The following SHB variants were observed in gnomAD, a reference collection of about 807,000 sequenced individuals.
The protein encoded by SHB is SH2 domain containing adaptor protein B, also known as SH2 domain-containing adapter protein B.
A neutral mutation model predicts 52.3 loss-of-function variants in SHB; 20 were observed. That is an observed-to-expected ratio of 0.38 (90% CI 0.27 to 0.56). The LOEUF is 0.56. Ranked by LOEUF, SHB falls within the 20% of genes least tolerant of loss-of-function variation. The pLI is 0.71. For synonymous variants in SHB, 397 were observed against 316.5 expected, an observed-to-expected ratio of 1.25 and a Z score of -2.70; for missense variants, 825 against 723.3, an observed-to-expected ratio of 1.14 and a Z score of -1.61.
chr9:37,962,352 T>C (rs1832701037), intron 3 of SHB, among the ~76,000 whole-genome samples: 1 of 152,188 alleles, frequency 6.6e-6, no homozygotes. Context: ...AAACAGTGTC[T>C]GATGTACAGT....
chr9:37,920,839 A>ACC (rs1202113039), intron 5 of SHB, among the ~76,000 whole-genome samples: 1 of 152,160 alleles, frequency 6.6e-6, no homozygotes, highest in Admixed American at 6.5e-5. Context: ...GTCTATGTCC[A>ACC]CCATGCTTGG....
chr9:37,959,911 C>G (rs1189892243), intron 3 of SHB, among the ~76,000 whole-genome samples: 1 of 152,146 alleles, frequency 6.6e-6, no homozygotes, highest in Non-Finnish European at 1.5e-5. Context: ...ATACCTAGCC[C>G]ATTACCGGCA....
chr9:38,012,400 C>A (rs1416510468), intron 2 of SHB, among the ~76,000 whole-genome samples: 1 of 152,152 alleles, frequency 6.6e-6, no homozygotes, highest in Non-Finnish European at 1.5e-5. Flanking sequence ...GTCAAGTGGG[C>A]AGCCTATACT....
chr9:37,972,994 A>G (rs1820609659), intron 3 of SHB, among the ~76,000 whole-genome samples: 1 of 152,232 alleles, frequency 6.6e-6, no homozygotes, highest in African/African-American at 2.4e-5. Flanking sequence ...CTCTCTTTTT[A>G]CATGCCTAAA....
At position 38,048,709 on chromosome 9, in the gene SHB, T is replaced by C. The variant is rs528096101; in HGVS notation, c.717+19220A>G. Among the ~76,000 whole-genome samples, 209 of 152,348 alleles carry C rather than the reference T, an allele frequency of 1.4e-3. 2 individuals are homozygous for C. Among genetic ancestry groups the C allele is most frequent in the African/African-American group, 4.8e-3 (200 of 41,590 alleles). On this transcript the variant is annotated intron_variant, in intron 1 of 5. Coordinates refer to ENST00000377707, the MANE Select transcript of SHB (RefSeq NM_003028.3). ...TTGAGTGTTTTCCATCTTAACGATA[T>C]TGCAGTGGAGTTACTCAACTCAGCT...
intron 3 of SHB, among the ~76,000 whole-genome samples, chr9:37,957,133 G>A (rs1270495371): frequency 1.3e-5 from 2 of 152,184 alleles, no homozygotes; most frequent in African/African-American, 2.4e-5. Context: ...CACACAGAGG[G>A]TGCCTAAGAA....
intron 1 of SHB, among the ~76,000 whole-genome samples, chr9:38,060,458 G>A (rs1821878805): frequency 6.6e-6 from 1 of 151,948 alleles, no homozygotes; most frequent in Admixed American, 6.6e-5. Context: ...GGAAGTGCTG[G>A]GATTACAGGC....
At chr9:38,022,551 T>G (rs1162050130) in intron 1 of SHB, among the ~76,000 whole-genome samples, 1 of 152,120 alleles carries the variant, frequency 6.6e-6, no homozygotes, top group Non-Finnish European at 1.5e-5. Context: ...TTTGGGGACG[T>G]GAGGCGGCAG....
At chr9:38,041,993 G>T in intron 1 of SHB, among the ~76,000 whole-genome samples, 1 of 152,174 alleles carries the variant, frequency 6.6e-6, no homozygotes, top group Non-Finnish European at 1.5e-5. Flanking sequence ...GAAGTCATTA[G>T]CTGGCGCTGC....
rs867166005 is a variant in SHB at position 37,917,049 on chromosome 9, A to C, written c.*2772T>G. Among the ~76,000 whole-genome samples, 1 of 152,114 alleles carries C rather than the reference A, an allele frequency of 6.6e-6. No homozygotes were observed. The highest frequency in any genetic ancestry group is 1.5e-5 in the Non-Finnish European group (1 of 67,982). On this transcript the variant is annotated 3_prime_UTR_variant, in exon 6 of 6. Transcript: ENST00000377707. ...ATTGGCAGCAGATGAAAAAAAAAAA[A>C]AACAAACCCAAAACAAAAACCAAAC...
chr9:37,998,898 C>G (rs980115022), intron 2 of SHB, among the ~76,000 whole-genome samples: 2 of 152,246 alleles, frequency 1.3e-5, no homozygotes, highest in African/African-American at 4.8e-5. Flanking sequence ...TTTCAACCAG[C>G]TCTTCCCAAG....
rs751020514 is a variant in SHB, at chr9:38,068,276, C to G, written c.370G>C (p.Val124Leu). 3 of 1,469,278 alleles carry G rather than the reference C, an allele frequency of 2.0e-6. No homozygotes were observed. Among genetic ancestry groups the G allele is most frequent in the Non-Finnish European group, 2.7e-6 (3 of 1,117,322 alleles). 91.0% of individuals were successfully genotyped at this position (1,469,278 alleles called of 1,614,324 possible). Reference sequence around the variant, plus strand: ...GACGAGGCCGAGAAGGCGCGCTGGACCCCGCCTGGCTCCCCGCTGCCGCCG... The same window carrying G: ...GACGAGGCCGAGAAGGCGCGCTGGAGCCCGCCTGGCTCCCCGCTGCCGCCG... Reference protein sequence around the residue: ...YCGGSGEPGGVQRAFSASSAS... With the variant: ...YCGGSGEPGGLQRAFSASSAS... Residue 124 changes from valine to leucine, a missense_variant, in exon 1 of 6, where the codon GTC (valine) becomes CTC (leucine). By Grantham distance (32) the Val-to-Leu change is conservative. Transcript: ENST00000377707.
chr9:37,955,418 GA>G (rs946677708), intron 4 of SHB, among the ~76,000 whole-genome samples: 24 of 152,170 alleles, frequency 1.6e-4, no homozygotes, highest in African/African-American at 5.6e-4. Flanking sequence ...TGTATACACA[GA>G]GGGGGAGGTA....
chr9:38,006,196 C>T (rs1011616247), intron 2 of SHB, among the ~76,000 whole-genome samples: 6 of 152,194 alleles, frequency 3.9e-5, no homozygotes, highest in African/African-American at 1.4e-4. Context: ...CCTTCCACCA[C>T]ACCTACCCTG....
chr9:38,064,781 G>A (rs1327711377), intron 1 of SHB, among the ~76,000 whole-genome samples: 4 of 152,200 alleles, frequency 2.6e-5, no homozygotes, highest in East Asian at 1.9e-4. Flanking sequence ...TGGAAAAAGT[G>A]GGCTATGTTA....
chr9:38,002,566 C>T (rs1261414255), intron 2 of SHB, among the ~76,000 whole-genome samples: 2 of 152,130 alleles, frequency 1.3e-5, no homozygotes, highest in African/African-American at 4.8e-5. Flanking sequence ...GCTCAGGCCA[C>T]CATTCAGGGG....
At chr9:37,969,660 C>G (rs1820569791) in intron 3 of SHB, among the ~76,000 whole-genome samples, 1 of 152,214 alleles carries the variant, frequency 6.6e-6, no homozygotes, top group African/African-American at 2.4e-5. Flanking sequence ...GCTATCCACC[C>G]CGGCTCCTTG....
chr9:37,958,549 G>A (rs564666233), intron 3 of SHB, among the ~76,000 whole-genome samples: 1 of 152,330 alleles, frequency 6.6e-6, no homozygotes, highest in Non-Finnish European at 1.5e-5. Context: ...GTGAGGACTC[G>A]CTGGGGGTTC....
At chr9:37,929,810 AAG>A (rs1832293019) in intron 5 of SHB, among the ~76,000 whole-genome samples, 1 of 152,252 alleles carries the variant, frequency 6.6e-6, no homozygotes, top group Non-Finnish European at 1.5e-5. Context: ...TCCACATGAA[AAG>A]AGAAAAGGAA....
Sources: gnomAD v4.1 joint callset for allele counts (sites outside exome capture counted in the v4.1 genomes callset) on GRCh38, gnomAD v4.1.1 for gene constraint, MANE v1.5 for transcripts, NCBI Gene and HGNC (gene_info 2026-07-23, HGNC 2026-07-21) for gene names.